USP49: variants seen among roughly 807,000 people sequenced by gnomAD.
USP49 encodes ubiquitin specific peptidase 49.
Under a neutral mutation model 58.6 loss-of-function variants are expected in USP49, and 24 were observed. That is an observed-to-expected ratio of 0.41 (90% confidence interval 0.30 to 0.58). The LOEUF is 0.58. Ranked by LOEUF, USP49 falls within the 20% of genes least tolerant of loss-of-function variation. USP49 has a pLI of 0.30. For synonymous variants in USP49, 408 were observed against 365.1 expected, an observed-to-expected ratio of 1.12 and a Z score of -1.34; for missense variants, 703 against 866.1, an observed-to-expected ratio of 0.81 and a Z score of 2.36.
chr6:41,874,994 A>AAGAG (rs921762697), intron 2 of USP49, among the ~76,000 whole-genome samples: 1 of 151,714 alleles, frequency 6.6e-6, no homozygotes, highest in Admixed American at 6.6e-5. Context: ...GAAAGAAAGA[A>AAGAG]AGAGAGAGAG....
At chr6:41,798,679 A>G in intron 7 of USP49, 45 bp downstream of exon 7, 6 of 1,613,942 alleles carry the variant, frequency 3.7e-6, no homozygotes, top group Non-Finnish European at 5.1e-6. Flanking sequence ...TGGACAAATC[A>G]ACCCCTTTCC....
At position 41,791,247 on chromosome 6, in the gene USP49, TTGAG is replaced by T. The variant is rs1468023894; in HGVS notation, c.*5282_*5285del. 2.0e-5 allele frequency: 3 copies of T among 152,216 alleles called. No homozygotes were observed. The highest frequency in any genetic ancestry group is 7.2e-5 in the African/African-American group (3 of 41,444). The allele number at this position is 152,216 out of a possible 1,614,324, so 9.4% of individuals were successfully genotyped here. A position where few individuals can be genotyped will look rare whatever the true frequency, so the allele number is the denominator to read the frequency against. On this transcript the variant is annotated 3_prime_UTR_variant, in exon 8 of 8. Coordinates refer to ENST00000682992, the MANE Select transcript of USP49 (RefSeq NM_001286554.2). ...TTGGGTTTTAAAGCCATAATTATGG[TTGAG>T]TAAGGATTCATTTATTTATTTATTA...
At position 41,817,150 on chromosome 6, in the gene USP49, C is replaced by CTTTTTTTTTTTTTTTT. The variant is rs34281670; in HGVS notation, c.-28-10155_-28-10140dup. On this transcript the variant is annotated intron_variant, in intron 3 of 7. Transcript: ENST00000682992. ...CCACCACGCCTGGCTCCCACGCATGCTTTTTTTTTTTTTTTTTGAGACAGA... is the reference window on the plus strand; with the variant it reads ...CCACCACGCCTGGCTCCCACGCATGCTTTTTTTTTTTTTTTTTTTTTTTTTTTTTTTTTGAGACAGA... Among the ~76,000 whole-genome samples, 31 of 104,340 alleles carry CTTTTTTTTTTTTTTTT rather than the reference C, an allele frequency of 3.0e-4. 1 individual carries two copies. The highest frequency in any genetic ancestry group is 1.2e-3 in the African/African-American group (28 of 22,554). The allele number at this position is 104,340 out of a possible 152,430, so 68.5% of individuals were successfully genotyped here. A position where few individuals can be genotyped will look rare whatever the true frequency, so the allele number is the denominator to read the frequency against.
intron 3 of USP49, among the ~76,000 whole-genome samples, chr6:41,822,969 T>C (rs1773476663): frequency 6.6e-6 from 1 of 152,188 alleles, no homozygotes; most frequent in Non-Finnish European, 1.5e-5. Flanking sequence ...ATCATTCATG[T>C]ACTTTAATAG....
At chr6:41,867,587 C>CAAAAAAAAAA (rs766568260) in intron 3 of USP49, among the ~76,000 whole-genome samples, 1 of 71,224 alleles carries the variant, frequency 1.4e-5, no homozygotes, top group East Asian at 3.4e-4. Flanking sequence ...ACTAAAAATA[C>CAAAAAAAAAA]AAAAAAAAAA....
chr6:41,830,399 T>C (rs770659083), intron 3 of USP49, among the ~76,000 whole-genome samples: 6 of 152,242 alleles, frequency 3.9e-5, no homozygotes, highest in Admixed American at 1.3e-4. Context: ...TGGGAAATTA[T>C]GCCTTGGTAA....
chr6:41,891,314 AC>A (rs1335126149), intron 2 of USP49, among the ~76,000 whole-genome samples: 1 of 152,254 alleles, frequency 6.6e-6, no homozygotes, highest in African/African-American at 2.4e-5. Flanking sequence ...TCACTGGGTT[AC>A]AAAACATAGT....
rs765687595 is a variant in USP49 at position 41,805,861 on chromosome 6, G to A, written c.1123C>T (p.Leu375=). ...TGGAGCATGGCGAAGGGCGACACTA[G>A]GGCCCACTTCCCGGACCACATGACT... The part of the protein sequence containing the change: ...FRVMWSGKWA[L]VSPFAMLHSV... Residue 375 remains leucine (L), a synonymous_variant, in exon 4 of 8, where the codon CTA becomes TTA. Coordinates refer to ENST00000682992, the MANE Select transcript of USP49 (RefSeq NM_001286554.2). 6.2e-7 allele frequency: 1 copy of A among 1,614,028 alleles called. No individual in the cohort carries two copies. Among genetic ancestry groups the A allele is most frequent in the Non-Finnish European group, 8.5e-7 (1 of 1,180,020 alleles).
intron 3 of USP49, among the ~76,000 whole-genome samples, chr6:41,849,756 C>T (rs1435332863): frequency 1.4e-4 from 22 of 151,982 alleles, no homozygotes; most frequent in Admixed American, 3.9e-4. Flanking sequence ...TACAGGCACG[C>T]GCCGCCACGC....
At chr6:41,805,564 G>A in intron 4 of USP49, 64 bp downstream of exon 4, 12 of 1,515,574 alleles carry the variant, frequency 7.9e-6, no homozygotes, top group South Asian at 1.3e-5. Flanking sequence ...ACCCGGGGAA[G>A]GCACTCACAG....
chr6:41,836,152 T>C (rs1773723735), intron 3 of USP49, among the ~76,000 whole-genome samples: 2 of 151,272 alleles, frequency 1.3e-5, no homozygotes, highest in South Asian at 4.2e-4. Context: ...TGGAAGGGAG[T>C]TGAAAAAGAA....
At position 41,822,464 on chromosome 6, in the gene USP49, C is replaced by T. The variant is rs921205252; in HGVS notation, c.-28-15453G>A. Among the ~76,000 whole-genome samples, 10 of 152,176 alleles carry T rather than the reference C, an allele frequency of 6.6e-5. No individual in the cohort carries two copies. The East Asian group carries it at 9.6e-4, about 15-fold the overall frequency. ...TCTTCCTGATGTCCTGCTGCTTAAA[C>T]GACAGCAGTCCATTTAGTTCTGTGC... is the stretch of plus-strand genomic sequence containing the variant. On this transcript the variant is annotated intron_variant, in intron 3 of 7. Coordinates refer to ENST00000682992, the MANE Select transcript of USP49 (RefSeq NM_001286554.2).
chr6:41,851,952 C>CAAAAAAA (rs67716441), intron 3 of USP49, among the ~76,000 whole-genome samples: 13 of 54,890 alleles, frequency 2.4e-4, no homozygotes, highest in Non-Finnish European at 3.3e-4. Context: ...AGACTCGTCT[C>CAAAAAAA]AAAAAAAAAA....
chr6:41,878,695 T>C lies in USP49; in HGVS notation c.-102-7058A>G, dbSNP rs77725024. On this transcript the variant is annotated intron_variant, in intron 2 of 7. Coordinates refer to ENST00000682992, the MANE Select transcript of USP49 (RefSeq NM_001286554.2). ...TCAAGCACTTCTTATAAATACTATA[T>C]AGCAATTTTGTCAGCAAAGCAATAA... 6.8e-3 allele frequency among the ~76,000 whole-genome samples: 1,033 copies of C among 152,338 alleles called. 12 individuals are homozygous for C. The highest frequency in any genetic ancestry group is 0.023 in the African/African-American group (972 of 41,582).
intron 3 of USP49, among the ~76,000 whole-genome samples, chr6:41,848,262 C>A (rs1353188931): frequency 6.6e-6 from 1 of 151,810 alleles, no homozygotes; most frequent in East Asian, 1.9e-4. Flanking sequence ...CAAAAAAAAT[C>A]AACAAAACAC....
intron 7 of USP49, 163 bp downstream of exon 7, chr6:41,798,561 C>T (rs1308433650): frequency 2.0e-6 from 3 of 1,533,896 alleles, no homozygotes; most frequent in Non-Finnish European, 1.8e-6. Flanking sequence ...CAGGTGTGAG[C>T]CACGGCGCCC....
At chr6:41,882,760 C>CA (rs1774634673) in intron 2 of USP49, among the ~76,000 whole-genome samples, 1 of 151,966 alleles carries the variant, frequency 6.6e-6, no homozygotes, top group African/African-American at 2.4e-5. Flanking sequence ...ACTAAAAATA[C>CA]AAAAAATTAG....
chr6:41,835,370 G>C (rs556722027), intron 3 of USP49, among the ~76,000 whole-genome samples: 1 of 152,288 alleles, frequency 6.6e-6, no homozygotes, highest in South Asian at 2.1e-4. Flanking sequence ...GGTTAGTCAA[G>C]TATGGAAAAT....
At chr6:41,801,225 G>A (rs1561902120) in intron 5 of USP49, among the ~76,000 whole-genome samples, 2 of 152,238 alleles carry the variant, frequency 1.3e-5, no homozygotes, top group African/African-American at 4.8e-5. Context: ...GTAAATGGAT[G>A]AGAGTAGAAA....
Sources: allele counts gnomAD v4.1 joint callset (sites outside exome capture counted in the v4.1 genomes callset), GRCh38; gene constraint gnomAD v4.1.1; transcripts MANE v1.5; gene names NCBI Gene and HGNC (gene_info 2026-07-23, HGNC 2026-07-21).